Variants in UBR3 observed in about 807,000 individuals in gnomAD.
The protein encoded by UBR3 is ubiquitin protein ligase E3 component n-recognin 3, also known as E3 ubiquitin-protein ligase UBR3.
UBR3 carries 85 observed loss-of-function variants against 243.2 expected under a neutral mutation model. The ratio of observed to expected loss-of-function variants is 0.35; its 90% confidence interval spans 0.29 to 0.42. The LOEUF (loss-of-function observed/expected upper bound fraction) is 0.42. UBR3 is among the 10% of genes least tolerant of loss of function. The pLI, the probability that UBR3 is intolerant of heterozygous loss-of-function variation, is 1.00. For synonymous variants in UBR3, 748 were observed against 799.8 expected (o/e 0.94, Z 1.09); for missense variants, 1,686 against 2,300.8 (o/e 0.73, Z 5.47).
Position 169,905,136 on chromosome 2 carries a change from G to T in UBR3, c.1488G>T (p.Val496=). ...ELQDEENSLH[V]VVNCGEALLK... ...TAGATGAAGAAAATAGTTTACATGT[G>T]GTAGTGAACTGTGGAGAAGCATTAC... Residue 496 remains valine, a synonymous_variant, in exon 9 of 39, where the codon GTG becomes GTT. Transcript: ENST00000272793. 1.3e-6 allele frequency: 2 copies of T among 1,490,872 alleles called. No individual in the cohort carries two copies. The highest frequency in any genetic ancestry group is 2.9e-5 in the South Asian group (2 of 69,882). 92.4% of individuals were successfully genotyped at this position (1,490,872 alleles called of 1,614,324 possible). A position where few individuals can be genotyped will look rare whatever the true frequency, so the allele number is the denominator to read the frequency against.
chr2:169,916,251 A>T (rs2085460572), intron 11 of UBR3, among the ~76,000 whole-genome samples: 1 of 152,052 alleles, frequency 6.6e-6, no homozygotes, highest in Non-Finnish European at 1.5e-5. Flanking sequence ...ACACTGTAGG[A>T]GTTATTCTAG....
At chr2:169,991,592 TA>T (rs2089275521) in intron 25 of UBR3, among the ~76,000 whole-genome samples, 2 of 152,294 alleles carry the variant, frequency 1.3e-5, no homozygotes, top group African/African-American at 4.8e-5. Flanking sequence ...TTATTATTAT[TA>T]TTTTTTTGAG....
intron 1 of UBR3, among the ~76,000 whole-genome samples, chr2:169,852,868 A>AC (rs2082707295): frequency 6.9e-6 from 1 of 145,502 alleles, no homozygotes; most frequent in African/African-American, 2.5e-5. Context: ...AAAAAAAAAA[A>AC]AAAAAAAAAA....
chr2:169,938,770 A>G (rs567351578), intron 19 of UBR3, among the ~76,000 whole-genome samples: 6 of 152,216 alleles, frequency 3.9e-5, no homozygotes, highest in African/African-American at 7.2e-5. Flanking sequence ...TTTTATGCCT[A>G]AAAATATAAA....
chr2:169,832,864 C>T (rs749107997), intron 1 of UBR3, among the ~76,000 whole-genome samples: 4 of 150,836 alleles, frequency 2.7e-5, no homozygotes, highest in Non-Finnish European at 4.4e-5. Context: ...ACCCAGGAGG[C>T]GGAGGTTACA....
rs2091939645 is a variant in UBR3 at position 170,083,666 on chromosome 2, A to G, written c.*1823A>G. The G allele has an allele frequency of 6.6e-6, 1 of 152,574 alleles. No individual in the cohort carries two copies. Among genetic ancestry groups the G allele is most frequent in the Non-Finnish European group, 1.5e-5 (1 of 67,998 alleles). 9.5% of individuals were successfully genotyped at this position (152,574 alleles called of 1,614,324 possible). A position where few individuals can be genotyped will look rare whatever the true frequency, so the allele number is the denominator to read the frequency against. On this transcript the variant is annotated 3_prime_UTR_variant, in exon 39 of 39. Transcript: ENST00000272793. ...CATGGTATAATGTATTCAGACTTTGATTACTACTTATTTAAAATGGAATGT... is the reference window on the plus strand; with the variant it reads ...CATGGTATAATGTATTCAGACTTTGGTTACTACTTATTTAAAATGGAATGT...
intron 27 of UBR3, 143 bp downstream of exon 27, chr2:170,001,557 A>G (rs1044226080): frequency 3.5e-6 from 2 of 578,434 alleles, no homozygotes; most frequent in African/African-American, 3.7e-5. Flanking sequence ...ACTTTAACAC[A>G]GACCTGTTCA....
chr2:170,057,174 G>T (rs1245156639), intron 33 of UBR3, among the ~76,000 whole-genome samples: 3 of 149,972 alleles, frequency 2.0e-5, no homozygotes, highest in Non-Finnish European at 4.4e-5. Flanking sequence ...GTAGTGCAAT[G>T]GTATGATCAG....
Position 169,949,862 on chromosome 2 carries a change from C to T in UBR3, c.3342C>T (p.Asp1114=), listed in dbSNP as rs183841889. The T allele has an allele frequency of 1.8e-4, 287 of 1,594,536 alleles. No homozygotes were observed. Among genetic ancestry groups the T allele is most frequent in the Non-Finnish European group, 2.2e-4 (256 of 1,168,920 alleles). ...QNSYYPPWLD[D]IEILIQPEIP... is the part of the protein sequence containing the mutation. Reference sequence around the variant, plus strand: ...CCTACTATCCTCCTTGGCTTGATGACATAGAAATTTTAATCCAACCAGAAA... The same window carrying T: ...CCTACTATCCTCCTTGGCTTGATGATATAGAAATTTTAATCCAACCAGAAA... Residue 1114 remains aspartate, a synonymous_variant, in exon 23 of 39, where the codon GAC becomes GAT. Coordinates refer to ENST00000272793, the MANE Select transcript of UBR3 (RefSeq NM_172070.4).
chr2:169,913,191 A>G (rs935445699), intron 10 of UBR3, among the ~76,000 whole-genome samples: 2 of 152,128 alleles, frequency 1.3e-5, no homozygotes, highest in African/African-American at 4.8e-5. Flanking sequence ...ATGTTTTTAA[A>G]ATTACAGCCT....
intron 35 of UBR3, among the ~76,000 whole-genome samples, chr2:170,066,886 C>T (rs2091580184): frequency 6.6e-6 from 1 of 151,778 alleles, no homozygotes; most frequent in Non-Finnish European, 1.5e-5. Context: ...ATGGCGTGAA[C>T]CCAGGAGGCA....
intron 5 of UBR3, among the ~76,000 whole-genome samples, chr2:169,886,740 A>T (rs1004011733): frequency 2.6e-5 from 4 of 152,184 alleles, no homozygotes; most frequent in Non-Finnish European, 5.9e-5. Context: ...CAGAGGTCAA[A>T]CAAAATGCCC....
intron 3 of UBR3, among the ~76,000 whole-genome samples, chr2:169,876,308 C>G (rs1395270439): frequency 6.6e-6 from 1 of 151,954 alleles, no homozygotes; most frequent in Non-Finnish European, 1.5e-5. Context: ...TCTCGATCTC[C>G]TGACCTCATG....
At chr2:170,069,711 C>T (rs1324100112) in intron 35 of UBR3, among the ~76,000 whole-genome samples, 1 of 146,278 alleles carries the variant, frequency 6.8e-6, no homozygotes, top group African/African-American at 2.5e-5. Flanking sequence ...TAATGTCCTT[C>T]AGATTCATTC....
intron 24 of UBR3, among the ~76,000 whole-genome samples, chr2:169,975,449 T>G (rs1457220926): frequency 6.6e-6 from 1 of 152,224 alleles, no homozygotes; most frequent in Non-Finnish European, 1.5e-5. Flanking sequence ...AAATGTTCTG[T>G]AAAAGTCTGT....
At chr2:170,024,631 A>G (rs1295527854) in intron 30 of UBR3, among the ~76,000 whole-genome samples, 1 of 152,090 alleles carries the variant, frequency 6.6e-6, no homozygotes, top group African/African-American at 2.4e-5. Flanking sequence ...TTTTTTATGT[A>G]AAATAGTCTT....
At position 170,061,152 on chromosome 2, in the gene UBR3, T is replaced by A; in HGVS notation, c.4859T>A (p.Leu1620Ter). 6.2e-7 allele frequency: 1 copy of A among 1,600,904 alleles called. No homozygotes were observed. The highest frequency in any genetic ancestry group is 1.3e-5 in the African/African-American group (1 of 74,194). Residue 1620 changes from leucine to a stop codon, truncating the protein, a stop_gained, in exon 34 of 39, where the codon TTA (leucine) becomes TAA (stop). Coordinates refer to ENST00000272793, the MANE Select transcript of UBR3 (RefSeq NM_172070.4). LOFTEE classifies it high-confidence loss of function. ...ATAAGTGAACTATTTAAAGGAAAGT[T>A]ATACCATGAAGAAGGAACTCAGGAA... ...FVISELFKGKLYHEEGTQECA... is the reference protein window; with the variant it reads ...FVISELFKGK
In UBR3 at chr2:169,994,391, C is replaced by T; in HGVS notation, c.3853C>T (p.Pro1285Ser). ...LPISEEEQIY[P>S]WDTCAAVHDV... ...GATCAGTGAAGAGGAGCAGATTTAC[C>T]CTTGGGATACCTGTGCAGCCGTTCA... The change falls in exon 26 of 39, where the codon CCT becomes TCT. Residue 1285 changes from proline (P) to serine (S), a missense_variant. Coordinates refer to ENST00000272793, the MANE Select transcript of UBR3 (RefSeq NM_172070.4). 1 of 1,614,022 alleles carries T rather than the reference C, an allele frequency of 6.2e-7. No homozygotes were observed. The highest frequency in any genetic ancestry group is 2.2e-5 in the East Asian group (1 of 44,880).
chr2:170,010,662 C>G (rs2090055881), intron 29 of UBR3, among the ~76,000 whole-genome samples: 1 of 152,142 alleles, frequency 6.6e-6, no homozygotes, highest in Admixed American at 6.6e-5. Flanking sequence ...GAATGCTTTA[C>G]TAAGGTGTAA....
Sources: allele counts gnomAD v4.1 joint callset (sites outside exome capture counted in the v4.1 genomes callset), GRCh38; gene constraint gnomAD v4.1.1; transcripts MANE v1.5; gene names NCBI Gene and HGNC (gene_info 2026-07-23, HGNC 2026-07-21).